The following TMEM131 variants were observed in gnomAD, a reference collection of about 807,000 sequenced individuals.
TMEM131 encodes the protein 2610524E03Rik.
TMEM131 carries 66 observed loss-of-function variants against 211.6 expected under a neutral mutation model. That is an observed-to-expected ratio of 0.31 (90% CI 0.26 to 0.38). The LOEUF is 0.38. Among genes scored for constraint, TMEM131 ranks in the 10% least tolerant of loss-of-function variants. The pLI is 1.00. For synonymous variants in TMEM131, 844 were observed against 841.3 expected (o/e 1.00, Z -0.06); for missense variants, 2,036 against 2,299.3 (o/e 0.89, Z 2.34).
chr2:97,794,651 C>CA (rs1434713897), intron 29 of TMEM131, among the ~76,000 whole-genome samples: 1 of 152,090 alleles, frequency 6.6e-6, no homozygotes, highest in East Asian at 1.9e-4. Flanking sequence ...TATATATGCC[C>CA]AAGTCAAGTA....
intron 1 of TMEM131, among the ~76,000 whole-genome samples, chr2:97,928,603 C>A (rs903415369): frequency 1.3e-5 from 2 of 151,692 alleles, no homozygotes; most frequent in Non-Finnish European, 2.9e-5. Flanking sequence ...GAGTGCTCAC[C>A]TAAGTAATTC....
intron 3 of TMEM131, among the ~76,000 whole-genome samples, chr2:97,900,814 C>G (rs11893437): frequency 1.3e-5 from 2 of 151,924 alleles, no homozygotes; most frequent in African/African-American, 2.4e-5. Flanking sequence ...AATACCTATA[C>G]TAATTTACAT....
At chr2:97,943,093 G>C (rs988985925) in intron 1 of TMEM131, among the ~76,000 whole-genome samples, 3 of 147,950 alleles carry the variant, frequency 2.0e-5, no homozygotes, top group African/African-American at 7.5e-5. Context: ...AAGAAAGAAA[G>C]AAAGAAAGAG....
rs1681693773 is a variant in TMEM131 at position 97,814,001 on chromosome 2, T to C, written c.1587A>G (p.Leu529=). 1 of 1,598,960 alleles carries C rather than the reference T, an allele frequency of 6.3e-7. No individual in the cohort carries two copies. The highest frequency in any genetic ancestry group is 1.7e-5 in the Admixed American group (1 of 57,860). ...AAAAGCCTGTGTATACCCGCACGGG[T>C]AAATGAAATTTAGAAGCATTGGTAA... ...LLITNASKFH[L]PVRVYTGFLD... Residue 529 remains leucine, a synonymous_variant, in exon 15 of 41, where the codon TTA becomes TTG. Coordinates refer to ENST00000186436, the MANE Select transcript of TMEM131 (RefSeq NM_015348.2).
chr2:97,941,869 T>A (rs1469340165), intron 1 of TMEM131, among the ~76,000 whole-genome samples: 2 of 152,228 alleles, frequency 1.3e-5, no homozygotes, highest in East Asian at 3.8e-4. Context: ...ACTTCCACAC[T>A]GTTGGTGGGA....
chr2:97,958,621 G>A (rs572196498), intron 1 of TMEM131, among the ~76,000 whole-genome samples: 1 of 152,326 alleles, frequency 6.6e-6, no homozygotes, highest in African/African-American at 2.4e-5. Context: ...AGCTTTGAAG[G>A]CTGGTGATTT....
At chr2:97,827,772 T>C (rs578148975) in intron 11 of TMEM131, among the ~76,000 whole-genome samples, 2 of 152,104 alleles carry the variant, frequency 1.3e-5, no homozygotes, top group South Asian at 4.2e-4. Context: ...AACCAGAAAA[T>C]AGTGTGGGAT....
At chr2:97,960,153 G>GGT (rs1678753811) in intron 1 of TMEM131, among the ~76,000 whole-genome samples, 1 of 57,634 alleles carries the variant, frequency 1.7e-5, no homozygotes, top group Admixed American at 1.2e-4. Context: ...CTTTGTAATA[G>GGT]ATAATTCATA....
Position 97,859,452 on chromosome 2 carries a change from A to G in TMEM131, c.360-25T>C, listed in dbSNP as rs72942846. ...TCTGTAAAACAAAAAGAAAATTATC[A>G]CAAATATTTCACAGATAATTCTGAT... On this transcript the variant is annotated intron_variant, in intron 4 of 40. Coordinates refer to ENST00000186436, the MANE Select transcript of TMEM131 (RefSeq NM_015348.2). 2.0e-3 allele frequency: 3,052 copies of G among 1,516,124 alleles called. 61 individuals are homozygous for G. In the African/African-American group the frequency reaches 0.037, roughly 18 times the overall value. 93.9% of individuals were successfully genotyped at this position (1,516,124 alleles called of 1,614,324 possible).
Position 97,883,610 on chromosome 2 carries a change from T to C in TMEM131, c.359+4442A>G, listed in dbSNP as rs142820870. Among the ~76,000 whole-genome samples, 9 of 152,370 alleles carry C rather than the reference T, an allele frequency of 5.9e-5. No individual in the cohort carries two copies. The East Asian group carries it at 1.7e-3, about 29-fold the overall frequency. Reference sequence around the variant, plus strand: ...TAATTAAAATCTTTAATATTCTGTATATCCTTCCATTAGGACTCTCTCTTG... The same window carrying C: ...TAATTAAAATCTTTAATATTCTGTACATCCTTCCATTAGGACTCTCTCTTG... On this transcript the variant is annotated intron_variant, in intron 4 of 40. Transcript: ENST00000186436.
At chr2:97,947,243 C>T (rs1232235966) in intron 1 of TMEM131, among the ~76,000 whole-genome samples, 1 of 149,880 alleles carries the variant, frequency 6.7e-6, no homozygotes, top group African/African-American at 2.4e-5. Flanking sequence ...CAATAAAACG[C>T]AAAGAAAAAA....
intron 3 of TMEM131, among the ~76,000 whole-genome samples, chr2:97,898,747 CTT>C (rs1171131899): frequency 6.6e-6 from 1 of 152,122 alleles, no homozygotes; most frequent in African/African-American, 2.4e-5. Flanking sequence ...ATATGTTGTA[CTT>C]TTGTTTTCAA....
At chr2:97,859,787 A>T (rs1327039266) in intron 4 of TMEM131, among the ~76,000 whole-genome samples, 1 of 152,170 alleles carries the variant, frequency 6.6e-6, no homozygotes, top group African/African-American at 2.4e-5. Flanking sequence ...AATTCCACAG[A>T]TACGTGCTCT....
In TMEM131 at chr2:97,825,384, C is replaced by G. The variant is rs978801588; in HGVS notation, c.1075-6663G>C. On this transcript the variant is annotated intron_variant, in intron 11 of 40. Transcript: ENST00000186436. ...CTAGGCCTAATCTTAGCTAGAGGGA[C>G]CAGTGCCCTCAGCAAGGAATGAATA... 6.6e-5 allele frequency among the ~76,000 whole-genome samples: 10 copies of G among 152,306 alleles called. No homozygotes were observed. The South Asian group carries it at 2.1e-3, about 32-fold the overall frequency.
rs540206847 is a variant in TMEM131 at position 97,844,689 on chromosome 2, CA to C, written c.484-429del. 6.2e-3 allele frequency among the ~76,000 whole-genome samples: 947 copies of C among 152,272 alleles called. 14 individuals are homozygous for C. The highest frequency in any genetic ancestry group is 0.02 in the African/African-American group (825 of 41,554). ...TTATGAAATCTGCCTTCCATCCACA[CA>C]AGGAACAAAATGTCCCAGCAACTTA... On this transcript the variant is annotated intron_variant, in intron 5 of 40. Coordinates refer to ENST00000186436, the MANE Select transcript of TMEM131 (RefSeq NM_015348.2).
chr2:97,764,267 A>G (rs921496708), intron 35 of TMEM131: 2 of 152,348 alleles, frequency 1.3e-5, no homozygotes. Context: ...GCGCTCGCAG[A>G]ACTTCAGGTC....
At chr2:97,955,708 A>T (rs1678536642) in intron 1 of TMEM131, among the ~76,000 whole-genome samples, 2 of 152,216 alleles carry the variant, frequency 1.3e-5, no homozygotes, top group South Asian at 4.1e-4. Context: ...AACAATGAAC[A>T]TATGGAAACC....
intron 31 of TMEM131, among the ~76,000 whole-genome samples, chr2:97,789,851 C>T (rs1680418789): frequency 6.6e-6 from 1 of 152,292 alleles, no homozygotes; most frequent in Non-Finnish European, 1.5e-5. Flanking sequence ...CCTGCTCAGG[C>T]CAACCATGAA....
At chr2:97,825,916 G>C (rs904686360) in intron 11 of TMEM131, among the ~76,000 whole-genome samples, 2 of 152,208 alleles carry the variant, frequency 1.3e-5, no homozygotes, top group Non-Finnish European at 2.9e-5. Flanking sequence ...GAAGTTTATA[G>C]CTATCAGACA....
Sources: allele counts gnomAD v4.1 joint callset (sites outside exome capture counted in the v4.1 genomes callset), GRCh38; gene constraint gnomAD v4.1.1; transcripts MANE v1.5; gene names NCBI Gene and HGNC (gene_info 2026-07-23, HGNC 2026-07-21).